Variants in CIMIP2B observed in about 807,000 individuals in gnomAD.
CIMIP2B encodes the protein ciliary microtubule inner protein 2B, also known as family with sequence similarity 166 member B.
At chr9:35,562,392 C>T in the CIMIP2B span, 2 of 1,486,756 alleles carry the variant, frequency 1.3e-6, no homozygotes, top group South Asian at 2.9e-5. Context: ...GGCACGTAGC[C>T]CCCATAGTTA....
chr9:35,562,328 CCATACAAACA>C, the CIMIP2B span: 1 of 1,293,628 alleles, frequency 7.7e-7, no homozygotes, highest in South Asian at 1.6e-5. Context: ...CACCCCATAC[CCATACAAACA>C]AACATTCCAG....
the CIMIP2B span, chr9:35,562,377 C>T: frequency 6.1e-6 from 9 of 1,469,750 alleles, no homozygotes; most frequent in Non-Finnish European, 8.1e-6. Flanking sequence ...GGGCTCTTCT[C>T]ACCTGGCACG....
chr9:35,562,364 C>T, the CIMIP2B span: 1,454 of 1,454,960 alleles, frequency 1.0e-3, 32 homozygotes, highest in South Asian at 0.019. Context: ...AAAGCCTCCC[C>T]GGGGGCTCTT....
chr9:35,562,855 C>T, the CIMIP2B span: 3 of 1,613,908 alleles, frequency 1.9e-6, no homozygotes, highest in Non-Finnish European at 2.5e-6. Flanking sequence ...CTGCACTCCC[C>T]ACCAGCTTCT....
At chr9:35,562,125 A>G in the CIMIP2B span, 1 of 1,461,682 alleles carries the variant, frequency 6.8e-7, no homozygotes, top group Non-Finnish European at 9.2e-7. Context: ...TGTCACATGT[A>G]GCAAGTGGCA....
chr9:35,562,676 T>C, the CIMIP2B span: 10 of 1,613,734 alleles, frequency 6.2e-6, no homozygotes, highest in Non-Finnish European at 8.5e-6. Context: ...CGAGGGTCCC[T>C]GTCATCCATG....
the CIMIP2B span, chr9:35,562,608 G>T: frequency 6.2e-7 from 1 of 1,610,846 alleles, no homozygotes; most frequent in African/African-American, 1.3e-5. Context: ...AGGCATCCTG[G>T]GGCCTCCCCA....
the CIMIP2B span, chr9:35,562,327 C>T: frequency 8.1e-7 from 1 of 1,239,170 alleles, no homozygotes; most frequent in Non-Finnish European, 1.1e-6. Context: ...CCACCCCATA[C>T]CCATACAAAC....
chr9:35,562,479 A>G, the CIMIP2B span: 14 of 1,583,930 alleles, frequency 8.8e-6, no homozygotes, highest in South Asian at 1.1e-4. Context: ...CTGCCTGGTG[A>G]GTGCTTCTGC....
chr9:35,563,090 C>G, the CIMIP2B span: 2 of 1,613,632 alleles, frequency 1.2e-6, no homozygotes, highest in Admixed American at 3.3e-5. Context: ...CCTGGGCAGG[C>G]AGGGACAAGG....
At chr9:35,562,510 G>A in the CIMIP2B span, 1 of 1,576,980 alleles carries the variant, frequency 6.3e-7, no homozygotes, top group South Asian at 1.2e-5. Flanking sequence ...GCAGTGCCTG[G>A]TTGGTGAGCA....
the CIMIP2B span, chr9:35,562,527 A>G: frequency 6.3e-7 from 1 of 1,576,970 alleles, no homozygotes; most frequent in African/African-American, 1.3e-5. Flanking sequence ...AGCACAGGAA[A>G]GCTGGAGCCG....
the CIMIP2B span, chr9:35,562,043 C>T: frequency 1.3e-6 from 2 of 1,535,108 alleles, no homozygotes; most frequent in Admixed American, 3.9e-5. Flanking sequence ...TGCTGAGGCC[C>T]AGAGCATCAT....
At chr9:35,562,874 C>T in the CIMIP2B span, 1 of 1,614,016 alleles carries the variant, frequency 6.2e-7, no homozygotes, top group Non-Finnish European at 8.5e-7. Context: ...CTTGGTCTCA[C>T]TTGTTCCACC....
At chr9:35,563,872 C>G in the CIMIP2B span, 2 of 1,568,796 alleles carry the variant, frequency 1.3e-6, no homozygotes, top group South Asian at 1.1e-5. Flanking sequence ...AGCCAAGGCT[C>G]TGGTCTGTGT....
At chr9:35,562,355 A>G in the CIMIP2B span, 8 of 1,438,312 alleles carry the variant, frequency 5.6e-6, no homozygotes, top group Non-Finnish European at 6.4e-6. Context: ...CCAGTCCCCA[A>G]AGCCTCCCCG....
chr9:35,562,076 G>A, the CIMIP2B span: 4 of 1,535,002 alleles, frequency 2.6e-6, no homozygotes, highest in African/African-American at 5.5e-5. Flanking sequence ...CAAATGTGTG[G>A]CCAAACTGGA....
the CIMIP2B span, chr9:35,563,406 C>A: frequency 1.3e-6 from 2 of 1,585,076 alleles, no homozygotes; most frequent in East Asian, 2.3e-5. Context: ...CACAGACTCT[C>A]CCACTCACCA....
At chr9:35,562,434 T>C in the CIMIP2B span, 1 of 1,571,862 alleles carries the variant, frequency 6.4e-7, no homozygotes. Context: ...GGGTATGTTC[T>C]GGGAAGTGGG....
Sources: allele counts gnomAD v4.1 joint callset, GRCh38; gene constraint gnomAD v4.1.1; transcripts MANE v1.5; gene names NCBI Gene and HGNC (gene_info 2026-07-23, HGNC 2026-07-21).